The following PPARGC1A variants were observed in gnomAD, a reference collection of about 807,000 sequenced individuals.
PPARGC1A encodes the protein peroxisome proliferator-activated receptor gamma coactivator 1-alpha.
PPARGC1A carries 25 observed loss-of-function variants against 88.7 expected under a neutral mutation model. The observed-to-expected ratio is 0.28, with a 90% confidence interval of 0.21 to 0.39. The LOEUF is 0.39. Among genes scored for constraint, PPARGC1A ranks in the 10% least tolerant of loss-of-function variants. The probability of loss-of-function intolerance (pLI) is 1.00; values close to 1 mark genes in which losing one functional copy is unlikely to be tolerated. For missense variants in PPARGC1A, 880 were observed against 968.7 expected, an observed-to-expected ratio of 0.91 and a Z score of 1.22; for synonymous variants, 363 against 355.6, an observed-to-expected ratio of 1.02 and a Z score of -0.24.
chr4:24,216,789 C>G, the PPARGC1A span, among the ~76,000 whole-genome samples: 2 of 152,058 alleles, frequency 1.3e-5, no homozygotes, highest in African/African-American at 4.8e-5. Context: ...AGTAAGCACC[C>G]GTTAGATTTC....
At chr4:24,102,450 T>G in the PPARGC1A span, among the ~76,000 whole-genome samples, 5 of 152,216 alleles carry the variant, frequency 3.3e-5, no homozygotes, top group Admixed American at 3.3e-4. Flanking sequence ...CAGAGAAATT[T>G]GGGGACAAGG....
the PPARGC1A span, among the ~76,000 whole-genome samples, chr4:24,285,629 C>T: frequency 6.6e-6 from 1 of 152,196 alleles, no homozygotes; most frequent in Non-Finnish European, 1.5e-5. Flanking sequence ...GAGATTTGAA[C>T]ATGTTTCTCT....
At chr4:24,264,861 G>T in the PPARGC1A span, among the ~76,000 whole-genome samples, 1 of 152,246 alleles carries the variant, frequency 6.6e-6, no homozygotes, top group East Asian at 1.9e-4. Flanking sequence ...GGGAATACTT[G>T]CAGGTGTTAC....
upstream of PPARGC1A, among the ~76,000 whole-genome samples, chr4:23,894,823 T>C (rs1718335992): frequency 6.6e-6 from 1 of 152,158 alleles, no homozygotes; most frequent in South Asian, 2.1e-4. Flanking sequence ...AAAAGGGTGG[T>C]TAAAATCTGA....
At chr4:24,064,695 T>A in the PPARGC1A span, among the ~76,000 whole-genome samples, 1 of 152,118 alleles carries the variant, frequency 6.6e-6, no homozygotes, top group Non-Finnish European at 1.5e-5. Context: ...CAAAACACCC[T>A]CTGCACCATC....
chr4:24,086,876 T>C, the PPARGC1A span, among the ~76,000 whole-genome samples: 59 of 152,338 alleles, frequency 3.9e-4, no homozygotes, highest in Middle Eastern at 6.8e-3. Flanking sequence ...CTACTATAAT[T>C]ATCCCCATTT....
At chr4:24,467,008 G>GAGAAAGAA in the PPARGC1A span, among the ~76,000 whole-genome samples, 1,011 of 128,888 alleles carry the variant, frequency 7.8e-3, 17 homozygotes, top group African/African-American at 0.024. Context: ...GAAGGAAGGG[G>GAGAAAGAA]AGAAAGAAAG....
chr4:24,440,268 A>G, the PPARGC1A span, among the ~76,000 whole-genome samples: 2 of 152,168 alleles, frequency 1.3e-5, no homozygotes, highest in African/African-American at 4.8e-5. Context: ...CCTACAGGGG[A>G]CCACATGGGT....
chr4:24,321,141 C>T, the PPARGC1A span, among the ~76,000 whole-genome samples: 1 of 152,108 alleles, frequency 6.6e-6, no homozygotes, highest in Admixed American at 6.6e-5. Context: ...AATAGAGGTG[C>T]CCTTCAAATT....
chr4:24,449,870 C>T, the PPARGC1A span, among the ~76,000 whole-genome samples: 64 of 152,246 alleles, frequency 4.2e-4, no homozygotes, highest in Admixed American at 2.0e-3. Flanking sequence ...TCATGTTATT[C>T]TGGAGTTTTA....
chr4:24,068,984 C>G, the PPARGC1A span, among the ~76,000 whole-genome samples: 1 of 152,218 alleles, frequency 6.6e-6, no homozygotes, highest in Admixed American at 6.5e-5. Flanking sequence ...CATTCAATCT[C>G]AGCCCTACTC....
intron 2 of PPARGC1A, chr4:23,883,944 C>A (rs529542262): frequency 6.6e-6 from 1 of 152,080 alleles, no homozygotes; most frequent in Admixed American, 6.6e-5. Flanking sequence ...ATGGCACTGG[C>A]GGTTGTGATA....
upstream of PPARGC1A, among the ~76,000 whole-genome samples, chr4:23,899,862 G>A (rs1426850964): frequency 3.3e-5 from 5 of 152,072 alleles, no homozygotes; most frequent in Non-Finnish European, 5.9e-5. Context: ...GGTTACATGG[G>A]TACATTGTTA....
chr4:24,097,021 G>C, the PPARGC1A span, among the ~76,000 whole-genome samples: 1 of 152,168 alleles, frequency 6.6e-6, no homozygotes, highest in Non-Finnish European at 1.5e-5. Flanking sequence ...TTGAGCCTAA[G>C]AATTTGAGGT....
At chr4:24,185,902 G>C in the PPARGC1A span, among the ~76,000 whole-genome samples, 3 of 150,124 alleles carry the variant, frequency 2.0e-5, no homozygotes, top group Non-Finnish European at 4.4e-5. Flanking sequence ...AAAACTTAGA[G>C]TATAATAAAG....
the PPARGC1A span, among the ~76,000 whole-genome samples, chr4:24,107,013 A>C: frequency 1.3e-5 from 2 of 152,250 alleles, no homozygotes; most frequent in African/African-American, 4.8e-5. Flanking sequence ...CCTCTGGAAA[A>C]GCCATGATAA....
the PPARGC1A span, among the ~76,000 whole-genome samples, chr4:24,311,942 C>T: frequency 3.3e-5 from 5 of 152,158 alleles, no homozygotes; most frequent in Non-Finnish European, 5.9e-5. Flanking sequence ...GAAGAGGAAG[C>T]TCGTCTGTAC....
chr4:24,237,046 A>T, the PPARGC1A span, among the ~76,000 whole-genome samples: 1 of 152,146 alleles, frequency 6.6e-6, no homozygotes, highest in Non-Finnish European at 1.5e-5. Flanking sequence ...GGTGCCAAAA[A>T]CATGTAAATT....
rs1332239268 is a variant in PPARGC1A at position 23,814,229 on chromosome 4, A to C, written c.1254T>G (p.Asp418Glu). The change falls in exon 8 of 13, where the codon GAT becomes GAG. Residue 418 changes from aspartate to glutamate, a missense_variant. Asp to Glu is a conservative substitution (Grantham distance 45). Coordinates refer to ENST00000264867, the MANE Select transcript of PPARGC1A (RefSeq NM_013261.5). ...TGGAAGAACAAATCTGCCCCTGCCA[A>C]TCAGAGGAGACATCTTTATTTTCTA... ...RQLENKDVSS[D>E]WQGQICSSTD... The C allele has an allele frequency of 3.1e-6, 5 of 1,614,102 alleles. No individual in the cohort carries two copies. Among genetic ancestry groups the C allele is most frequent in the Non-Finnish European group, 4.2e-6 (5 of 1,180,000 alleles).
Sources: gnomAD v4.1 joint callset for allele counts (sites outside exome capture counted in the v4.1 genomes callset) on GRCh38, gnomAD v4.1.1 for gene constraint, MANE v1.5 for transcripts, NCBI Gene and HGNC (gene_info 2026-07-23, HGNC 2026-07-21) for gene names.